The following CDH1 variants were observed in gnomAD, a reference collection of about 807,000 sequenced individuals.
The protein encoded by CDH1 is cadherin-1.
In CDH1, 35 loss-of-function variants were observed where a neutral mutation model predicts 84.5. The ratio of observed to expected loss-of-function variants is 0.41; its 90% CI spans 0.32 to 0.55. The LOEUF (loss-of-function observed/expected upper bound fraction) is 0.55. Ranked by LOEUF, CDH1 falls within the 20% of genes least tolerant of loss-of-function variation. The pLI, the probability that CDH1 is intolerant of heterozygous loss-of-function variation, is 0.19. For synonymous variants in CDH1, 417 were observed against 439.0 expected (o/e 0.95, Z 0.63); for missense variants, 994 against 1,126.6 (o/e 0.88, Z 1.68).
intron 2 of CDH1, among the ~76,000 whole-genome samples, chr16:68,762,002 C>T (rs983226791): frequency 5.3e-5 from 8 of 152,208 alleles, no homozygotes; most frequent in Non-Finnish European, 8.8e-5. Flanking sequence ...CCTCTCCATT[C>T]TGGGCAGTGG....
intron 2 of CDH1, among the ~76,000 whole-genome samples, chr16:68,777,094 A>C (rs904954464): frequency 7.2e-5 from 11 of 152,218 alleles, no homozygotes; most frequent in Non-Finnish European, 1.2e-4. Context: ...ACTGGTTCAG[A>C]GAGAGAAAGC....
intron 9 of CDH1, 82 bp downstream of exon 9, chr16:68,813,577 G>T: frequency 1.4e-6 from 2 of 1,407,208 alleles, no homozygotes; most frequent in South Asian, 1.2e-5. Flanking sequence ...CTTCTTAGAA[G>T]TAGATTCGCT....
intron 2 of CDH1, among the ~76,000 whole-genome samples, chr16:68,794,253 G>T (rs1050221103): frequency 1.3e-5 from 2 of 151,964 alleles, no homozygotes; most frequent in African/African-American, 2.4e-5. Context: ...ATTGCCTAGG[G>T]TGGTCTCAAA....
chr16:68,832,711 T>C (rs1193920086), intron 15 of CDH1, among the ~76,000 whole-genome samples: 2 of 151,884 alleles, frequency 1.3e-5, no homozygotes, highest in Admixed American at 6.6e-5. Flanking sequence ...ACCCAGCTAC[T>C]TGGGAGGCTG....
Position 68,834,358 on chromosome 16 carries a change from G to A in CDH1, c.*859G>A, listed in dbSNP as rs972437642. 1.5e-5 allele frequency: 7 copies of A among 467,380 alleles called. No individual in the cohort carries two copies. Among genetic ancestry groups the A allele is most frequent in the African/African-American group, 1.4e-4 (7 of 51,006 alleles). 29.0% of individuals were successfully genotyped at this position (467,380 alleles called of 1,614,324 possible). ...GCTCACTGTAACCTCAAACTCTGGG[G>A]CTCAAGCAGTTCTCCCACCAGCCTC... On this transcript the variant is annotated 3_prime_UTR_variant, in exon 16 of 16. Transcript: ENST00000261769.
rs187906987 is a variant in CDH1, at chr16:68,813,403, G to A, written c.1228G>A (p.Glu410Lys). 6.2e-7 allele frequency: 1 copy of A among 1,614,126 alleles called. No individual in the cohort carries two copies. The highest frequency in any genetic ancestry group is 2.2e-5 in the East Asian group (1 of 44,878). The change falls in exon 9 of 16, where the codon GAG becomes AAG. Residue 410 changes from glutamate to lysine, a missense_variant. Coordinates refer to ENST00000261769, the MANE Select transcript of CDH1 (RefSeq NM_004360.5). Reference sequence around the variant, plus strand: ...TGATGCCCCCAATACCCCAGCGTGGGAGGCTGTATACACCATATTGAATGA... The same window carrying A: ...TGATGCCCCCAATACCCCAGCGTGGAAGGCTGTATACACCATATTGAATGA... Reference protein sequence around the residue: ...DADAPNTPAWEAVYTILNDDG... With the variant: ...DADAPNTPAWKAVYTILNDDG...
Position 68,833,421 on chromosome 16 carries a change from G to A in CDH1, c.2571G>A (p.Gln857=), listed in dbSNP as rs786201949. The A allele has an allele frequency of 6.2e-7, 1 of 1,614,196 alleles. No individual in the cohort carries two copies. The highest frequency in any genetic ancestry group is 8.5e-7 in the Non-Finnish European group (1 of 1,180,040). The part of the protein sequence containing the change: ...SLNSSESDKD[Q]DYDYLNEWGN... The stretch of plus-strand genomic sequence containing the variant: ...ACTCCTCAGAGTCAGACAAAGACCA[G>A]GACTATGACTACTTGAACGAATGGG... Residue 857 remains glutamine (Q), a synonymous_variant, in exon 16 of 16, where the codon CAG becomes CAA. Coordinates refer to ENST00000261769, the MANE Select transcript of CDH1 (RefSeq NM_004360.5).
At chr16:68,795,264 A>T (rs1451371390) in intron 2 of CDH1, among the ~76,000 whole-genome samples, 1 of 152,198 alleles carries the variant, frequency 6.6e-6, no homozygotes, top group Non-Finnish European at 1.5e-5. Context: ...CTAACCAGCA[A>T]AAAGAAAAAT....
intron 2 of CDH1, among the ~76,000 whole-genome samples, chr16:68,800,017 T>G (rs549576076): frequency 1.4e-5 from 2 of 142,288 alleles, no homozygotes; most frequent in South Asian, 4.4e-4. Flanking sequence ...CAAAAAAAAT[T>G]AATAGTAATA....
At chr16:68,767,054 G>A (rs1959412272) in intron 2 of CDH1, among the ~76,000 whole-genome samples, 1 of 152,062 alleles carries the variant, frequency 6.6e-6, no homozygotes, top group African/African-American at 2.4e-5. Flanking sequence ...TGAGGAAACT[G>A]AGACCCAGAG....
chr16:68,803,326 T>C (rs1362008900), intron 3 of CDH1, among the ~76,000 whole-genome samples: 1 of 152,170 alleles, frequency 6.6e-6, no homozygotes, highest in African/African-American at 2.4e-5. Context: ...GTCCCCATCA[T>C]TCATGTGAAA....
At chr16:68,775,423 C>T (rs1014880221) in intron 2 of CDH1, among the ~76,000 whole-genome samples, 3 of 152,176 alleles carry the variant, frequency 2.0e-5, no homozygotes, top group Admixed American at 2.0e-4. Context: ...ACATGCAAGT[C>T]ATTTCAAACA....
chr16:68,754,347 G>A (rs1962967978), intron 2 of CDH1, among the ~76,000 whole-genome samples: 1 of 152,158 alleles, frequency 6.6e-6, no homozygotes, highest in Admixed American at 6.6e-5. Flanking sequence ...CAGAGGTCAA[G>A]GCTGCAGTGA....
chr16:68,799,155 C>G (rs1345427410), intron 2 of CDH1, among the ~76,000 whole-genome samples: 2 of 152,172 alleles, frequency 1.3e-5, no homozygotes, highest in African/African-American at 4.8e-5. Flanking sequence ...ATGGCAGAAT[C>G]TGGTTTTATA....
intron 15 of CDH1, among the ~76,000 whole-genome samples, chr16:68,831,138 GTGCAATCTCAGCTCAC>G (rs1217484012): frequency 6.9e-6 from 1 of 145,322 alleles, no homozygotes; most frequent in Non-Finnish European, 1.5e-5. Flanking sequence ...GAGTGCAGTG[GTGCAATCTCAGCTCAC>G]TGCAAGCTCT....
intron 2 of CDH1, among the ~76,000 whole-genome samples, chr16:68,751,141 A>G (rs1962874509): frequency 6.6e-6 from 1 of 152,164 alleles, no homozygotes; most frequent in Non-Finnish European, 1.5e-5. Flanking sequence ...GATGGTTTTT[A>G]AAATTAAGTT....
intron 2 of CDH1, among the ~76,000 whole-genome samples, chr16:68,760,087 T>TATATATA (rs1555511679): frequency 2.8e-3 from 285 of 103,258 alleles, no homozygotes; most frequent in East Asian, 8.5e-3. Context: ...TATATATATA[T>TATATATA]TTTTTTTTTT....
intron 11 of CDH1, among the ~76,000 whole-genome samples, chr16:68,820,509 C>A (rs1032283649): frequency 2.0e-5 from 3 of 151,904 alleles, no homozygotes; most frequent in African/African-American, 7.2e-5. Flanking sequence ...CACCACCACG[C>A]CCAGCTAATT....
chr16:68,757,036 TC>T (rs1188015018), intron 2 of CDH1, among the ~76,000 whole-genome samples: 2 of 152,120 alleles, frequency 1.3e-5, no homozygotes, highest in African/African-American at 4.8e-5. Flanking sequence ...AAAGCCCTCT[TC>T]TACTCCTTGA....
Sources: gnomAD v4.1 joint callset for allele counts (sites outside exome capture counted in the v4.1 genomes callset) on GRCh38, gnomAD v4.1.1 for gene constraint, MANE v1.5 for transcripts, NCBI Gene and HGNC (gene_info 2026-07-23, HGNC 2026-07-21) for gene names.